Variants in DCDC2 observed in about 807,000 individuals in gnomAD.
DCDC2 encodes doublecortin domain-containing protein 2.
Under a neutral mutation model 50.2 loss-of-function variants are expected in DCDC2, and 40 were observed. The ratio of observed to expected loss-of-function variants is 0.80; its 90% confidence interval spans 0.62 to 1.04. DCDC2 has a LOEUF of 1.04. Among genes scored for constraint, DCDC2 ranks in the 50% least tolerant of loss-of-function variants. The probability of loss-of-function intolerance (pLI) is 0.00; values close to 1 mark genes in which losing one functional copy is unlikely to be tolerated. For missense variants in DCDC2, 570 were observed against 581.9 expected (o/e 0.98, Z 0.21); for synonymous variants, 234 against 210.6 (o/e 1.11, Z -0.96).
chr6:24,294,541 T>TA (rs997521003), intron 4 of DCDC2, among the ~76,000 whole-genome samples: 48 of 151,376 alleles, frequency 3.2e-4, no homozygotes, highest in African/African-American at 6.5e-4. Flanking sequence ...AGTTGGTTTT[T>TA]AAAAAAAAAT....
At chr6:24,238,455 T>C (rs62400388) in intron 7 of DCDC2, among the ~76,000 whole-genome samples, 149,889 of 151,494 alleles carry the variant, frequency 0.99, 74,169 homozygotes, top group Middle Eastern at 1. Context: ...TGCACCACCA[T>C]GCCCAGCTAA....
chr6:24,227,481 T>C (rs1051844509), intron 7 of DCDC2, among the ~76,000 whole-genome samples: 12 of 152,108 alleles, frequency 7.9e-5, no homozygotes, highest in African/African-American at 2.2e-4. Flanking sequence ...TGTTGAGGAA[T>C]GAGAGACGAA....
intron 2 of DCDC2, among the ~76,000 whole-genome samples, chr6:24,348,994 A>C (rs1760315391): frequency 6.6e-6 from 1 of 152,236 alleles, no homozygotes. Flanking sequence ...TACACAGTAA[A>C]ACAGATTTGT....
chr6:24,289,918 C>CCCTGGG (rs1048178945), intron 5 of DCDC2, among the ~76,000 whole-genome samples: 1 of 146,588 alleles, frequency 6.8e-6, no homozygotes, highest in African/African-American at 2.5e-5. Flanking sequence ...AGAGATGGAT[C>CCCTGGG]CCTGGGCACC....
At chr6:24,294,234 C>T (rs1266890653) in intron 4 of DCDC2, among the ~76,000 whole-genome samples, 1 of 152,076 alleles carries the variant, frequency 6.6e-6, no homozygotes, top group African/African-American at 2.4e-5. Context: ...TGGCACACTC[C>T]TGTAGTTCCA....
In DCDC2 at chr6:24,171,895, T is replaced by TATAG. The variant is rs1760787633; in HGVS notation, c.*2831_*2834dup. 1 of 152,228 alleles carries TATAG rather than the reference T, an allele frequency of 6.6e-6. No individual in the cohort carries two copies. The highest frequency in any genetic ancestry group is 1.5e-5 in the Non-Finnish European group (1 of 68,036). 9.4% of individuals were successfully genotyped at this position (152,228 alleles called of 1,614,324 possible). A position where few individuals can be genotyped will look rare whatever the true frequency, so the allele number is the denominator to read the frequency against. ...TTCATAAAACTATAAAAACTATGTA[T>TATAG]ATAGCATCACAAAGAATTAACATAT... On this transcript the variant is annotated 3_prime_UTR_variant, in exon 10 of 10. Transcript: ENST00000378454.
At chr6:24,265,527 TA>T (rs1220253588) in intron 7 of DCDC2, among the ~76,000 whole-genome samples, 1 of 150,270 alleles carries the variant, frequency 6.7e-6, no homozygotes. Flanking sequence ...AAACAAGTTT[TA>T]AAAAAACTCA....
At position 24,278,167 on chromosome 6, in the gene DCDC2, G is replaced by A. The variant is rs981400080; in HGVS notation, c.804C>T (p.Asn268=). The change falls in exon 7 of 10, where the codon AAC becomes AAT. Residue 268 remains asparagine, a synonymous_variant. Transcript: ENST00000378454. ...HSKSTVGSSD[N]SSPQPLKRKG... ...TCCTCTTCAGGGGCTGAGGAGATGA[G>A]TTGTCACTGGATCCAACTGTTGACT... The A allele has an allele frequency of 6.2e-7, 1 of 1,613,580 alleles. No individual in the cohort carries two copies. Among genetic ancestry groups the A allele is most frequent in the Non-Finnish European group, 8.5e-7 (1 of 1,179,872 alleles).
intron 8 of DCDC2, among the ~76,000 whole-genome samples, chr6:24,191,828 C>A (rs890953721): frequency 3.9e-5 from 6 of 152,118 alleles, no homozygotes; most frequent in Admixed American, 3.3e-4. Flanking sequence ...AAGGGAATAT[C>A]AACCACAAAA....
chr6:24,194,196 C>A (rs1455411895), intron 8 of DCDC2, among the ~76,000 whole-genome samples: 1 of 152,018 alleles, frequency 6.6e-6, no homozygotes, highest in Non-Finnish European at 1.5e-5. Context: ...TGGCAAATGG[C>A]TGCTATTTTG....
chr6:24,174,744 C>A lies in DCDC2; in HGVS notation c.1417G>T (p.Ala473Ser). The A allele has an allele frequency of 6.2e-7, 1 of 1,612,694 alleles. No individual in the cohort carries two copies. The highest frequency in any genetic ancestry group is 8.5e-7 in the Non-Finnish European group (1 of 1,178,938). Residue 473 changes from alanine to serine, a missense_variant, in exon 10 of 10, where the codon GCT (alanine) becomes TCT (serine). Ala to Ser is a moderately conservative substitution (Grantham distance 99). Coordinates refer to ENST00000378454, the MANE Select transcript of DCDC2 (RefSeq NM_016356.5). Reference protein sequence around the residue: ...NENNQQNKDYAAVA With the variant: ...NENNQQNKDYSAVA The stretch of plus-strand genomic sequence containing the variant: ...TTAAAAATGTTCTAAGCCACGGCAG[C>A]ATAGTCCTTGTTTTGTTGGTTGTTT...
intron 2 of DCDC2, among the ~76,000 whole-genome samples, chr6:24,342,307 T>A (rs1363534887): frequency 6.6e-6 from 1 of 152,260 alleles, no homozygotes; most frequent in Non-Finnish European, 1.5e-5. Context: ...ATTGTGTTAC[T>A]TTTTTGCTTA....
intron 2 of DCDC2, among the ~76,000 whole-genome samples, chr6:24,341,148 AG>A (rs1441394090): frequency 6.6e-6 from 1 of 152,220 alleles, no homozygotes; most frequent in African/African-American, 2.4e-5. Flanking sequence ...TGCTAGAAAG[AG>A]GGAAAAAATA....
intron 7 of DCDC2, among the ~76,000 whole-genome samples, chr6:24,233,272 T>G (rs368439980): frequency 6.6e-6 from 1 of 152,218 alleles, no homozygotes; most frequent in Non-Finnish European, 1.5e-5. Flanking sequence ...TTTGTCTGAT[T>G]ACAAAATAAA....
chr6:24,331,167 T>C lies in DCDC2; in HGVS notation c.348+22402A>G, dbSNP rs188872453. Among the ~76,000 whole-genome samples the C allele has an allele frequency of 1.4e-4, 22 of 152,316 alleles. No individual in the cohort carries two copies. In the East Asian group the frequency reaches 4.2e-3, roughly 29 times the overall value. On this transcript the variant is annotated intron_variant, in intron 2 of 9. Transcript: ENST00000378454. Reference sequence around the variant, plus strand: ...ACTGGAAGACGGGAAGAGAATTCCCTCTGGTAACAATGTATAATTCCCATA... The same window carrying C: ...ACTGGAAGACGGGAAGAGAATTCCCCCTGGTAACAATGTATAATTCCCATA...
intron 2 of DCDC2, among the ~76,000 whole-genome samples, chr6:24,335,983 C>T (rs1486882125): frequency 4.6e-5 from 7 of 152,178 alleles, no homozygotes; most frequent in South Asian, 2.1e-4. Context: ...CCCACCCAGG[C>T]TTTTACGCCA....
chr6:24,370,447 C>G, the DCDC2 span, among the ~76,000 whole-genome samples: 1 of 152,280 alleles, frequency 6.6e-6, no homozygotes, highest in Non-Finnish European at 1.5e-5. Flanking sequence ...GTGGCTCATG[C>G]CTGTAATCCC....
intron 7 of DCDC2, among the ~76,000 whole-genome samples, chr6:24,213,438 T>C (rs751213889): frequency 2.3e-4 from 35 of 152,222 alleles, no homozygotes; most frequent in Non-Finnish European, 4.0e-4. Context: ...TGACATTCAA[T>C]ATATAAAATA....
At chr6:24,341,947 T>TACACACACACAC (rs10540083) in intron 2 of DCDC2, among the ~76,000 whole-genome samples, 3 of 151,624 alleles carry the variant, frequency 2.0e-5, no homozygotes, top group Admixed American at 6.6e-5. Flanking sequence ...TGTGCACGCG[T>TACACACACACAC]ACACACACAC....
Sources: allele counts gnomAD v4.1 joint callset (sites outside exome capture counted in the v4.1 genomes callset), GRCh38; gene constraint gnomAD v4.1.1; transcripts MANE v1.5; gene names NCBI Gene and HGNC (gene_info 2026-07-23, HGNC 2026-07-21).